Variants in PIK3C2G observed in about 807,000 individuals in gnomAD.
PIK3C2G encodes phosphatidylinositol-4-phosphate 3-kinase catalytic subunit type 2 gamma, also known as phosphatidylinositol 3-kinase C2 domain-containing subunit gamma.
A neutral mutation model predicts 181.1 loss-of-function variants in PIK3C2G; 168 were observed. That is an observed-to-expected ratio of 0.93 (90% CI 0.82 to 1.05). PIK3C2G has a LOEUF of 1.05. PIK3C2G is among the 50% of genes least tolerant of loss of function. PIK3C2G has a pLI of 0.00. For synonymous variants in PIK3C2G, 573 were observed against 592.2 expected, an observed-to-expected ratio of 0.97 and a Z score of 0.47; for missense variants, 1,869 against 1,732.8, an observed-to-expected ratio of 1.08 and a Z score of -1.40.
chr12:18,382,677 G>C (rs764922138), intron 14 of PIK3C2G, among the ~76,000 whole-genome samples: 10 of 152,160 alleles, frequency 6.6e-5, no homozygotes, highest in Non-Finnish European at 1.3e-4. Flanking sequence ...CAACATCCCC[G>C]GCTTCTTTCC....
intron 8 of PIK3C2G, among the ~76,000 whole-genome samples, chr12:18,336,344 T>G (rs1938530700): frequency 6.6e-6 from 1 of 152,162 alleles, no homozygotes; most frequent in South Asian, 2.1e-4. Flanking sequence ...AGATCTTGAC[T>G]TCAGAGCTGA....
At chr12:18,456,091 G>A (rs1351004172) in intron 18 of PIK3C2G, among the ~76,000 whole-genome samples, 3 of 152,124 alleles carry the variant, frequency 2.0e-5, no homozygotes, top group Admixed American at 1.3e-4. Flanking sequence ...TTGTTCTCAA[G>A]AAGAGCTCAG....
At chr12:18,568,105 G>T (rs373495399) in intron 29 of PIK3C2G, among the ~76,000 whole-genome samples, 22 of 152,230 alleles carry the variant, frequency 1.4e-4, no homozygotes, top group East Asian at 1.4e-3. Context: ...TAATCTCACC[G>T]TCTCAGGATT....
At chr12:18,636,592 G>A (rs1949615245) in intron 31 of PIK3C2G, among the ~76,000 whole-genome samples, 1 of 152,092 alleles carries the variant, frequency 6.6e-6, no homozygotes, top group Non-Finnish European at 1.5e-5. Flanking sequence ...TGCATACCAG[G>A]TATCAGGAGA....
chr12:18,714,884 T>C, the PIK3C2G span: 1 of 152,020 alleles, frequency 6.6e-6, no homozygotes, highest in African/African-American at 2.4e-5. Context: ...TGAGAAACCC[T>C]GCTGTAAGTC....
Position 18,328,305 on chromosome 12 carries a change from A to G in PIK3C2G, c.1272+3207A>G, listed in dbSNP as rs925599053. Among the ~76,000 whole-genome samples, 3 of 151,984 alleles carry G rather than the reference A, an allele frequency of 2.0e-5. No homozygotes were observed. In the South Asian group the frequency reaches 6.2e-4, roughly 31 times the overall value. On this transcript the variant is annotated intron_variant, in intron 8 of 32. Transcript: ENST00000538779. The stretch of plus-strand genomic sequence containing the variant: ...ATGACATCTCTAGTGTTCAGGTTTA[A>G]GTAATTCAGTGAGGAGGGCAAAATA...
chr12:18,256,603 G>A (rs754335510), upstream of PIK3C2G, among the ~76,000 whole-genome samples: 39 of 152,084 alleles, frequency 2.6e-4, 1 homozygote, highest in Admixed American at 5.2e-4. Flanking sequence ...CCTCTAGCCC[G>A]AGTACGTATT....
the PIK3C2G span, among the ~76,000 whole-genome samples, chr12:18,669,023 ATAG>A: frequency 6.6e-6 from 1 of 152,158 alleles, no homozygotes; most frequent in African/African-American, 2.4e-5. Context: ...AGTGCAGAAA[ATAG>A]TAATAATAAT....
At chr12:18,413,781 C>G (rs1191102052) in intron 16 of PIK3C2G, among the ~76,000 whole-genome samples, 1 of 151,996 alleles carries the variant, frequency 6.6e-6, no homozygotes, top group Non-Finnish European at 1.5e-5. Context: ...ATTTTTCAAG[C>G]AAATCTAATA....
At chr12:18,482,395 G>A (rs939592660) in intron 18 of PIK3C2G, among the ~76,000 whole-genome samples, 26 of 152,144 alleles carry the variant, frequency 1.7e-4, no homozygotes, top group African/African-American at 5.8e-4. Context: ...GTGGGTTCAC[G>A]GTCAAAGCTG....
intron 26 of PIK3C2G, among the ~76,000 whole-genome samples, chr12:18,562,049 C>T (rs1002325308): frequency 2.6e-5 from 4 of 152,190 alleles, no homozygotes; most frequent in African/African-American, 9.6e-5. Flanking sequence ...TGCGTTACTT[C>T]TGGAATGTTG....
intron 19 of PIK3C2G, among the ~76,000 whole-genome samples, chr12:18,490,745 T>TGCA (rs2136061806): frequency 6.6e-6 from 1 of 152,318 alleles, no homozygotes; most frequent in South Asian, 2.1e-4. Flanking sequence ...TACTCCATCA[T>TGCA]GCATATGTGA....
At chr12:18,250,030 T>C (rs1028954079) in intron 1 of PIK3C2G, among the ~76,000 whole-genome samples, 1 of 151,982 alleles carries the variant, frequency 6.6e-6, no homozygotes, top group African/African-American at 2.4e-5. Context: ...TCTAACTAAT[T>C]GTAAGTTTAG....
chr12:18,651,769 G>T (rs372108110), downstream of PIK3C2G, among the ~76,000 whole-genome samples: 1 of 152,160 alleles, frequency 6.6e-6, no homozygotes, highest in Non-Finnish European at 1.5e-5. Context: ...CCAAGGGAAG[G>T]CTCCTTGCAG....
At chr12:18,309,498 A>G (rs932088008) in intron 5 of PIK3C2G, among the ~76,000 whole-genome samples, 15 of 151,802 alleles carry the variant, frequency 9.9e-5, no homozygotes, top group African/African-American at 3.6e-4. Context: ...CTGAATAACC[A>G]CAGTTTGCCT....
At chr12:18,259,459 G>A (rs1591764026), upstream of PIK3C2G, among the ~76,000 whole-genome samples, 1 of 152,026 alleles carries the variant, frequency 6.6e-6, no homozygotes, top group South Asian at 2.1e-4. Flanking sequence ...AAGACTACAG[G>A]CAGATGAGTA....
chr12:18,391,198 T>A lies in PIK3C2G; in HGVS notation c.2072T>A (p.Leu691Gln), dbSNP rs1338569830. Residue 691 changes from leucine to glutamine, a missense_variant, in exon 15 of 33, where the codon CTA (leucine) becomes CAA (glutamine). Physicochemically the swap from Leu to Gln is moderately radical, Grantham distance 113. Coordinates refer to ENST00000538779, the MANE Select transcript of PIK3C2G (RefSeq NM_001288772.2). ...EENRSNLEEP[L>Q]KECIKHIARL... Reference sequence around the variant, plus strand: ...AATAGAAGTAATCTTGAAGAGCCACTAAAGGAGTGTATAAAACATATTGCC... The same window carrying A: ...AATAGAAGTAATCTTGAAGAGCCACAAAAGGAGTGTATAAAACATATTGCC... The A allele has an allele frequency of 1.9e-6, 3 of 1,609,094 alleles. No homozygotes were observed. Among genetic ancestry groups the A allele is most frequent in the Admixed American group, 1.7e-5 (1 of 59,618 alleles).
At chr12:18,381,919 G>T in intron 14 of PIK3C2G, 39 bp downstream of exon 14, 1 of 1,187,932 alleles carries the variant, frequency 8.4e-7, no homozygotes, top group Non-Finnish European at 1.3e-6. Context: ...CACATGGCAA[G>T]TATTGGTTGA....
chr12:18,505,888 C>T (rs1408580806), intron 24 of PIK3C2G, among the ~76,000 whole-genome samples: 1 of 152,298 alleles, frequency 6.6e-6, no homozygotes, highest in African/African-American at 2.4e-5. Flanking sequence ...CATCATTCCA[C>T]AGATATTTAG....
Sources: allele counts gnomAD v4.1 joint callset (sites outside exome capture counted in the v4.1 genomes callset), GRCh38; gene constraint gnomAD v4.1.1; transcripts MANE v1.5; gene names NCBI Gene and HGNC (gene_info 2026-07-23, HGNC 2026-07-21).